The following DNAAF1 variants were observed in gnomAD, a reference collection of about 807,000 sequenced individuals.
The protein encoded by DNAAF1 is dynein assembly factor 1, axonemal.
A neutral mutation model predicts 71.1 loss-of-function variants in DNAAF1; 65 were observed. The ratio of observed to expected loss-of-function variants is 0.91; its 90% CI spans 0.75 to 1.12. The LOEUF (loss-of-function observed/expected upper bound fraction) is 1.12, where lower values mean the gene tolerates loss of function less well. DNAAF1 is among the 50% of genes most tolerant of loss of function. The probability of loss-of-function intolerance (pLI) is 0.00; values close to 1 mark genes in which losing one functional copy is unlikely to be tolerated. For missense variants in DNAAF1, 1,178 were observed against 899.8 expected (o/e 1.31, Z -3.96); for synonymous variants, 414 against 354.6 (o/e 1.17, Z -1.88).
At position 84,165,858 on chromosome 16, in the gene DNAAF1, G is replaced by C. The variant is rs1231580211; in HGVS notation, c.939G>C (p.Glu313Asp). The C allele has an allele frequency of 6.2e-7, 1 of 1,613,478 alleles. No homozygotes were observed. Among genetic ancestry groups the C allele is most frequent in the Admixed American group, 1.7e-5 (1 of 59,894 alleles). Residue 313 changes from glutamate (E) to aspartate (D), a missense_variant, in exon 7 of 12, where the codon GAG becomes GAC. Coordinates refer to ENST00000378553, the MANE Select transcript of DNAAF1 (RefSeq NM_178452.6). ...KEERQQWESR[E>D]RKKITDSIEA... is the part of the protein sequence containing the mutation. ...AGAGACAGCAGTGGGAGAGCAGGGA[G>C]CGGAAGAAGATCACAGACAGCATTG...
At chr16:84,157,149 CATT>C (rs111449613) in intron 5 of DNAAF1, among the ~76,000 whole-genome samples, 10 of 152,028 alleles carry the variant, frequency 6.6e-5, no homozygotes, top group African/African-American at 2.4e-4. Flanking sequence ...TTTTCAGTAT[CATT>C]ATGAACGCAT....
chr16:84,164,241 C>T (rs139454331), intron 6 of DNAAF1, among the ~76,000 whole-genome samples: 26 of 152,328 alleles, frequency 1.7e-4, no homozygotes, highest in African/African-American at 4.6e-4. Flanking sequence ...TTGTGACAAG[C>T]GATCAAGCAA....
intron 1 of DNAAF1, among the ~76,000 whole-genome samples, chr16:84,146,339 C>T (rs2086906128): frequency 6.6e-6 from 1 of 152,174 alleles, no homozygotes; most frequent in Non-Finnish European, 1.5e-5. Context: ...AGTGCCTGAC[C>T]TAGGGTAGAG....
In DNAAF1 at chr16:84,176,028, C is replaced by CCCTGTGCTGGAAAACCTG; in HGVS notation, c.1796_1797insTGTGCTGGAAAACCTGCC (p.Val594_Pro599dup). 1.2e-6 allele frequency: 2 copies of CCCTGTGCTGGAAAACCTG among 1,613,820 alleles called. No homozygotes were observed. Among genetic ancestry groups the CCCTGTGCTGGAAAACCTG allele is most frequent in the Non-Finnish European group, 1.7e-6 (2 of 1,179,924 alleles). ...CGTCACTCCCTGTGCTGGAAAACCT[C>CCCTGTGCTGGAAAACCTG]CCCACAGACACTCTGTCAAATATAT... On this transcript the variant is annotated inframe_insertion, in exon 11 of 12. Coordinates refer to ENST00000378553, the MANE Select transcript of DNAAF1 (RefSeq NM_178452.6).
chr16:84,161,154 G>T (rs974416992), intron 6 of DNAAF1, among the ~76,000 whole-genome samples: 1 of 152,120 alleles, frequency 6.6e-6, no homozygotes, highest in Non-Finnish European at 1.5e-5. Flanking sequence ...CATCTGCAGC[G>T]TGGGGATGAG....
intron 3 of DNAAF1, among the ~76,000 whole-genome samples, chr16:84,151,507 T>C (rs16962881): frequency 0.089 from 13,540 of 151,792 alleles, 694 homozygotes; most frequent in South Asian, 0.24. Flanking sequence ...ACTTAAGAGG[T>C]GGGAAGAAGA....
rs116838410 is a variant in DNAAF1 at position 84,164,902 on chromosome 16, G to A, written c.864-881G>A. ...CCACCTAGAACAAGTGAGCGTTGCCGGGACTCCACATCCTCATTAGCGCAG... is the reference window on the plus strand; with the variant it reads ...CCACCTAGAACAAGTGAGCGTTGCCAGGACTCCACATCCTCATTAGCGCAG... On this transcript the variant is annotated intron_variant, in intron 6 of 11. Transcript: ENST00000378553. 6.8e-4 allele frequency among the ~76,000 whole-genome samples: 103 copies of A among 152,228 alleles called. 2 individuals carry two copies. Among genetic ancestry groups the A allele is most frequent in the African/African-American group, 2.1e-3 (89 of 41,536 alleles).
chr16:84,166,857 C>G (rs2088034077), intron 7 of DNAAF1, among the ~76,000 whole-genome samples: 1 of 152,190 alleles, frequency 6.6e-6, no homozygotes, highest in Non-Finnish European at 1.5e-5. Flanking sequence ...AGTAGGAAAA[C>G]TCAAATAGGT....
At chr16:84,171,217 C>T (rs1008305449) in intron 8 of DNAAF1, among the ~76,000 whole-genome samples, 1 of 152,142 alleles carries the variant, frequency 6.6e-6, no homozygotes, top group Admixed American at 6.5e-5. Context: ...AGGCAGATTG[C>T]TTGAGGCCGG....
At chr16:84,148,976 C>T (rs765239849) in intron 1 of DNAAF1, 31 bp from the exon 2 acceptor site, 1 of 1,613,442 alleles carries the variant, frequency 6.2e-7, no homozygotes, top group East Asian at 2.2e-5. Context: ...ATATCTTGAT[C>T]TCTACAGACC....
In DNAAF1 at chr16:84,176,252, C is replaced by A; in HGVS notation, c.2018C>A (p.Thr673Asn). The change falls in exon 11 of 12, where the codon ACT becomes AAT. Residue 673 changes from threonine to asparagine, a missense_variant. Thr to Asn is a moderately conservative substitution (Grantham distance 65). Coordinates refer to ENST00000378553, the MANE Select transcript of DNAAF1 (RefSeq NM_178452.6). ...TGCCAAAGAGATGCTGCACCACTCA[C>A]TTCCAGTGGAGACAGGGACAGCGAC... ...PTCQRDAAPLTSSGDRDSDFL... is the reference protein window; with the variant it reads ...PTCQRDAAPLNSSGDRDSDFL... 6.2e-7 allele frequency: 1 copy of A among 1,613,714 alleles called. No homozygotes were observed. The highest frequency in any genetic ancestry group is 8.5e-7 in the Non-Finnish European group (1 of 1,180,040).
Position 84,176,015 on chromosome 16 carries a change from T to A in DNAAF1, c.1781T>A (p.Val594Glu), listed in dbSNP as rs1169045532. The A allele has an allele frequency of 3.1e-6, 5 of 1,614,188 alleles. No homozygotes were observed. Among genetic ancestry groups the A allele is most frequent in the Non-Finnish European group, 4.2e-6 (5 of 1,180,020 alleles). ...DPELDYTSLP[V>E]LENLPTDTLS... ...GAACTGGACTACACGTCACTCCCTG[T>A]GCTGGAAAACCTCCCCACAGACACT... The change falls in exon 11 of 12, where the codon GTG (valine) becomes GAG (glutamate). Residue 594 changes from valine to glutamate, a missense_variant. Transcript: ENST00000378553.
chr16:84,154,890 A>G, intron 4 of DNAAF1, 92 bp downstream of exon 4: 2 of 1,126,574 alleles, frequency 1.8e-6, no homozygotes, highest in Non-Finnish European at 2.7e-6. Context: ...ATGGGCAAGA[A>G]GTGGTGTTTT....
chr16:84,159,755 C>G lies in DNAAF1; in HGVS notation c.822C>G (p.His274Gln). ...GGACAGTCACTGTACGACTAAAGCA[C>G]TTAACATACCTGGATGATAGACCAG... ...YRRTVTVRLK[H>Q]LTYLDDRPVF... The change falls in exon 6 of 12, where the codon CAC becomes CAG. Residue 274 changes from histidine (H) to glutamine (Q), a missense_variant. Coordinates refer to ENST00000378553, the MANE Select transcript of DNAAF1 (RefSeq NM_178452.6). The G allele has an allele frequency of 6.2e-7, 1 of 1,613,980 alleles. No individual in the cohort carries two copies.
At position 84,159,692 on chromosome 16, in the gene DNAAF1, G is replaced by T. The variant is rs2151234624; in HGVS notation, c.759G>T (p.Met253Ile). ...TCTTGCAGCGTGTACTGAATTTGAT[G>T]GGAAACCCGGTTATCAGACAGATTC... ...SMPDLRVLNL[M>I]GNPVIRQIPN... Residue 253 changes from methionine (M) to isoleucine (I), a missense_variant, in exon 6 of 12, where the codon ATG becomes ATT. Coordinates refer to ENST00000378553, the MANE Select transcript of DNAAF1 (RefSeq NM_178452.6). 6.2e-7 allele frequency: 1 copy of T among 1,613,162 alleles called. No individual in the cohort carries two copies. The highest frequency in any genetic ancestry group is 8.5e-7 in the Non-Finnish European group (1 of 1,179,458).
At position 84,177,740 on chromosome 16, in the gene DNAAF1, A is replaced by G. The variant is rs747259254; in HGVS notation, c.2077A>G (p.Ser693Gly). Residue 693 changes from serine (S) to glycine (G), a missense_variant, in exon 12 of 12, where the codon AGC becomes GGC. Physicochemically the swap from Ser to Gly is moderately conservative, Grantham distance 56 (BLOSUM62 0). Transcript: ENST00000378553. ...LAASSPVPTESAATPPETCVG... is the reference protein window; with the variant it reads ...LAASSPVPTEGAATPPETCVG... The stretch of plus-strand genomic sequence containing the variant: ...CCTTCCTTCCACAGTGCCGACTGAG[A>G]GCGCCGCCACACCCCCAGAGACGTG... 2.5e-6 allele frequency: 4 copies of G among 1,613,838 alleles called. No homozygotes were observed. The highest frequency in any genetic ancestry group is 4.5e-5 in the East Asian group (2 of 44,876).
intron 5 of DNAAF1, chr16:84,159,127 C>G: frequency 4.0e-6 from 4 of 992,550 alleles, no homozygotes; most frequent in Non-Finnish European, 4.8e-6. Flanking sequence ...TGCCGAGCCC[C>G]TTCCTCCTCC....
Position 84,165,916 on chromosome 16 carries a change from G to A in DNAAF1, c.997G>A (p.Glu333Lys), listed in dbSNP as rs1259556318. ...GGCCATGATCAAGCAGCGGGCAGAGGAGAGGAAAAGACAGAGAGAGAGTCA... is the reference window on the plus strand; with the variant it reads ...GGCCATGATCAAGCAGCGGGCAGAGAAGAGGAAAAGACAGAGAGAGAGTCA... ...ALAMIKQRAE[E>K]RKRQRESQER... is the part of the protein sequence containing the mutation. Residue 333 changes from glutamate to lysine, a missense_variant, in exon 7 of 12, where the codon GAG (glutamate) becomes AAG (lysine). Coordinates refer to ENST00000378553, the MANE Select transcript of DNAAF1 (RefSeq NM_178452.6). The A allele has an allele frequency of 1.2e-6, 2 of 1,613,530 alleles. No individual in the cohort carries two copies. The highest frequency in any genetic ancestry group is 4.5e-5 in the East Asian group (2 of 44,866).
intron 9 of DNAAF1, chr16:84,174,264 C>A (rs1470565831): frequency 9.3e-7 from 1 of 1,075,064 alleles, no homozygotes; most frequent in African/African-American, 1.7e-5. Context: ...ACAAAAAAGT[C>A]CTACAAGTTT....
Sources: allele counts gnomAD v4.1 joint callset (sites outside exome capture counted in the v4.1 genomes callset), GRCh38; gene constraint gnomAD v4.1.1; transcripts MANE v1.5; gene names NCBI Gene and HGNC (gene_info 2026-07-23, HGNC 2026-07-21).